Variants in DENND1A observed in about 807,000 individuals in gnomAD.
DENND1A encodes the protein DENN domain containing 1A.
DENND1A carries 51 observed loss-of-function variants against 113.7 expected under a neutral mutation model. That is an observed-to-expected ratio of 0.45 (90% CI 0.36 to 0.57). DENND1A has a LOEUF of 0.57. DENND1A is among the 20% of genes least tolerant of loss of function. DENND1A has a pLI of 0.00. For missense variants in DENND1A, 1,258 were observed against 1,395.9 expected (o/e 0.90, Z 1.57); for synonymous variants, 565 against 570.8 (o/e 0.99, Z 0.14).
At chr9:123,878,861 C>T (rs1847904266) in intron 2 of DENND1A, 90 bp downstream of exon 2, 2 of 1,299,476 alleles carry the variant, frequency 1.5e-6, no homozygotes, top group Admixed American at 1.9e-5. Context: ...AGACAAATAA[C>T]AATTTACTCA....
intron 1 of DENND1A, among the ~76,000 whole-genome samples, chr9:123,918,067 T>C (rs1347026511): frequency 2.0e-5 from 3 of 150,080 alleles, no homozygotes; most frequent in Non-Finnish European, 3.0e-5. Context: ...TGAGCCAAGA[T>C]CGCGTCACTG....
At position 123,472,406 on chromosome 9, in the gene DENND1A, T is replaced by C. The variant is rs113791111; in HGVS notation, c.994-14509A>G. Reference sequence around the variant, plus strand: ...GTCACTGGGGCTGGCGGGCACGTCATGGACAGGGTGAGCAAGGGAGTTGCT... The same window carrying C: ...GTCACTGGGGCTGGCGGGCACGTCACGGACAGGGTGAGCAAGGGAGTTGCT... On this transcript the variant is annotated intron_variant, in intron 13 of 23. Transcript: ENST00000394215. Among the ~76,000 whole-genome samples, 446 of 152,244 alleles carry C rather than the reference T, an allele frequency of 2.9e-3. 1 individual carries two copies. Among genetic ancestry groups the C allele is most frequent in the Non-Finnish European group, 5.4e-3 (366 of 67,996 alleles).
intron 5 of DENND1A, among the ~76,000 whole-genome samples, chr9:123,696,470 G>C (rs2140503310): frequency 6.6e-6 from 1 of 152,340 alleles, no homozygotes; most frequent in East Asian, 1.9e-4. Context: ...TAAAGGTGGA[G>C]AGTGGGTACA....
intron 1 of DENND1A, among the ~76,000 whole-genome samples, chr9:123,894,235 A>G (rs1850364557): frequency 2.0e-5 from 3 of 152,246 alleles, no homozygotes; most frequent in African/African-American, 7.2e-5. Flanking sequence ...CATGATTCAC[A>G]TTAAAACTTC....
chr9:123,457,471 A>T, intron 14 of DENND1A, 36 bp from the exon 15 acceptor site: 1 of 1,546,610 alleles, frequency 6.5e-7, no homozygotes, highest in Non-Finnish European at 8.9e-7. Flanking sequence ...AACAGCTCGT[A>T]CAAAGAAAAG....
At chr9:123,486,147 A>T (rs1392463868) in intron 13 of DENND1A, among the ~76,000 whole-genome samples, 1 of 152,124 alleles carries the variant, frequency 6.6e-6, no homozygotes. Context: ...TCTGAGCCCT[A>T]ATTTCCTCCT....
chr9:123,483,318 G>A (rs1172375354), intron 13 of DENND1A, among the ~76,000 whole-genome samples: 1 of 152,210 alleles, frequency 6.6e-6, no homozygotes, highest in Non-Finnish European at 1.5e-5. Context: ...AGCAGGGGCT[G>A]GCATGCCGAT....
At chr9:123,885,833 G>GATCT (rs796648325) in intron 1 of DENND1A, among the ~76,000 whole-genome samples, 150 of 152,112 alleles carry the variant, frequency 9.9e-4, no homozygotes, top group African/African-American at 3.5e-3. Context: ...AGGCTGGAGT[G>GATCT]CAGTGGCATG....
intron 5 of DENND1A, among the ~76,000 whole-genome samples, chr9:123,714,363 A>C (rs2066832626): frequency 6.6e-6 from 1 of 152,206 alleles, no homozygotes; most frequent in African/African-American, 2.4e-5. Flanking sequence ...GCACTTTGAG[A>C]GGCTGAGTTG....
chr9:123,381,988 G>A lies in DENND1A; in HGVS notation c.2657C>T (p.Pro886Leu). Residue 886 changes from proline to leucine, a missense_variant, in exon 24 of 24, where the codon CCA (proline) becomes CTA (leucine). Pro to Leu is a moderately conservative substitution (Grantham distance 98). Around this residue, in one of 2 missense-constraint regions of DENND1A, gnomAD observed 1,159 missense variants for 1,231.7 expected, o/e 0.94. Coordinates refer to ENST00000394215, the MANE Select transcript of DENND1A (RefSeq NM_001352964.2). This position sits in a 1 kb window ranked among gnomAD's most constrained non-coding sequence, Gnocchi z 4.7. Reference protein sequence around the residue: ...FSFPPAGTPTPFPQPPLNPFV... With the variant: ...FSFPPAGTPTLFPQPPLNPFV... Reference sequence around the variant, plus strand: ...GGGGTTGAGTGGTGGCTGTGGGAATGGGGTGGGTGTCCCTGCAGGGGGGAA... The same window carrying A: ...GGGGTTGAGTGGTGGCTGTGGGAATAGGGTGGGTGTCCCTGCAGGGGGGAA... 3 of 1,478,862 alleles carry A rather than the reference G, an allele frequency of 2.0e-6. No individual in the cohort carries two copies. Among genetic ancestry groups the A allele is most frequent in the African/African-American group, 2.8e-5 (2 of 71,364 alleles). 91.6% of individuals were successfully genotyped at this position (1,478,862 alleles called of 1,614,324 possible).
chr9:123,489,935 A>G (rs2051225680), intron 13 of DENND1A, among the ~76,000 whole-genome samples: 1 of 152,242 alleles, frequency 6.6e-6, no homozygotes, highest in Non-Finnish European at 1.5e-5. Context: ...CACCTAGGTT[A>G]AAACACAGAA....
intron 13 of DENND1A, among the ~76,000 whole-genome samples, chr9:123,482,611 C>A (rs897162771): frequency 6.6e-6 from 1 of 152,134 alleles, no homozygotes; most frequent in African/African-American, 2.4e-5. Flanking sequence ...GGGTATCAGC[C>A]CCTGGAGCTA....
chr9:123,899,071 A>C (rs558564523), intron 1 of DENND1A, among the ~76,000 whole-genome samples: 1 of 152,242 alleles, frequency 6.6e-6, no homozygotes, highest in Non-Finnish European at 1.5e-5. Context: ...AACTCACTTC[A>C]CTATATTCAG....
intron 5 of DENND1A, among the ~76,000 whole-genome samples, chr9:123,696,945 A>T (rs2065559087): frequency 6.6e-6 from 1 of 152,204 alleles, no homozygotes; most frequent in Non-Finnish European, 1.5e-5. Flanking sequence ...ATCACTCAAA[A>T]TAAACTTTGT....
chr9:123,792,157 C>T (rs1438834779), intron 3 of DENND1A, among the ~76,000 whole-genome samples: 1 of 152,164 alleles, frequency 6.6e-6, no homozygotes, highest in African/African-American at 2.4e-5. Context: ...CCAATACTAC[C>T]ATAACACATA....
chr9:123,615,570 C>A (rs1465780806), intron 10 of DENND1A, among the ~76,000 whole-genome samples: 2 of 152,244 alleles, frequency 1.3e-5, no homozygotes, highest in Non-Finnish European at 2.9e-5. Flanking sequence ...CCTCTGAGCT[C>A]ATCTCAGTCA....
chr9:123,788,896 A>C (rs1832588491), intron 3 of DENND1A, among the ~76,000 whole-genome samples: 1 of 152,112 alleles, frequency 6.6e-6, no homozygotes, highest in African/African-American at 2.4e-5. Context: ...ATAGAATTTA[A>C]GAAAATTTCA....
intron 9 of DENND1A, among the ~76,000 whole-genome samples, chr9:123,640,225 G>A (rs908167230): frequency 6.6e-6 from 1 of 152,194 alleles, no homozygotes; most frequent in African/African-American, 2.4e-5. Context: ...TATAATAGAG[G>A]TTCAAGTGTG....
chr9:123,515,342 C>T (rs1012069602), intron 13 of DENND1A, among the ~76,000 whole-genome samples: 6 of 152,198 alleles, frequency 3.9e-5, no homozygotes, highest in African/African-American at 9.6e-5. Context: ...ATCTTGAGAA[C>T]GATAATGGCT....
Sources: allele counts gnomAD v4.1 joint callset (sites outside exome capture counted in the v4.1 genomes callset), GRCh38; gene constraint gnomAD v4.1.1; regional missense constraint gnomAD v4.1.1; non-coding constraint Gnocchi (gnomAD v3.1); transcripts MANE v1.5; gene names NCBI Gene and HGNC (gene_info 2026-07-23, HGNC 2026-07-21).